CHST9: variants seen among roughly 807,000 people sequenced by gnomAD.
CHST9 encodes carbohydrate sulfotransferase 9.
A neutral mutation model predicts 44.4 loss-of-function variants in CHST9; 41 were observed. That is an observed-to-expected ratio of 0.92 (90% CI 0.72 to 1.20). The LOEUF is 1.20. CHST9 is among the 50% of genes most tolerant of loss of function. The probability of loss-of-function intolerance (pLI) is 0.00; values close to 1 mark genes in which losing one functional copy is unlikely to be tolerated. For missense variants in CHST9, 504 were observed against 516.5 expected, an observed-to-expected ratio of 0.98 and a Z score of 0.23; for synonymous variants, 171 against 178.4, an observed-to-expected ratio of 0.96 and a Z score of 0.33.
chr18:27,057,055 G>A (rs2057664506), intron 2 of CHST9, among the ~76,000 whole-genome samples: 1 of 152,178 alleles, frequency 6.6e-6, no homozygotes, highest in Non-Finnish European at 1.5e-5. Context: ...ACTGTGGACT[G>A]CCAATAGTCT....
At chr18:26,998,629 G>A (rs1198403950) in intron 4 of CHST9, among the ~76,000 whole-genome samples, 3 of 151,888 alleles carry the variant, frequency 2.0e-5, no homozygotes, top group South Asian at 4.2e-4. Context: ...GGGAGGCTGA[G>A]GCAGGAGAAT....
intron 2 of CHST9, among the ~76,000 whole-genome samples, chr18:27,068,459 T>C (rs2057805200): frequency 6.6e-6 from 1 of 152,188 alleles, no homozygotes; most frequent in Admixed American, 6.5e-5. Flanking sequence ...ATAATTCATA[T>C]CATTATATAA....
At chr18:27,060,210 G>A (rs907199097) in intron 2 of CHST9, among the ~76,000 whole-genome samples, 20 of 152,190 alleles carry the variant, frequency 1.3e-4, no homozygotes, top group African/African-American at 4.8e-4. Context: ...TCAAGGTTCA[G>A]GGAGGGGCCC....
chr18:27,147,297 C>A (rs2058620375), intron 1 of CHST9, among the ~76,000 whole-genome samples: 1 of 152,080 alleles, frequency 6.6e-6, no homozygotes. Flanking sequence ...CAACTCCCGA[C>A]CTCAGGTGAT....
intron 2 of CHST9, among the ~76,000 whole-genome samples, chr18:27,097,298 T>A (rs963184189): frequency 6.6e-6 from 1 of 151,998 alleles, no homozygotes; most frequent in Non-Finnish European, 1.5e-5. Flanking sequence ...ATACTGAATG[T>A]GCAAGAATTG....
chr18:27,180,669 C>T (rs1459370179), intron 1 of CHST9, among the ~76,000 whole-genome samples: 2 of 152,100 alleles, frequency 1.3e-5, no homozygotes, highest in Non-Finnish European at 2.9e-5. Flanking sequence ...TCTGCTCTGC[C>T]ACTACCAGTG....
In CHST9 at chr18:27,037,428, G is replaced by A. The variant is rs150719809; in HGVS notation, c.160+11037C>T. Among the ~76,000 whole-genome samples, 887 of 152,300 alleles carry A rather than the reference G, an allele frequency of 5.8e-3. 5 individuals carry two copies. The highest frequency in any genetic ancestry group is 0.02 in the African/African-American group (839 of 41,564). ...CAAATGCCTGGGCATGGTGGCTCAC[G>A]CCTGTAATCTCAGCACTTTCGGAGG... On this transcript the variant is annotated intron_variant, in intron 3 of 5. Coordinates refer to ENST00000618847, the MANE Select transcript of CHST9 (RefSeq NM_031422.6).
intron 2 of CHST9, among the ~76,000 whole-genome samples, chr18:27,066,614 T>C (rs988251049): frequency 6.6e-6 from 1 of 152,176 alleles, no homozygotes; most frequent in Non-Finnish European, 1.5e-5. Context: ...TTGTTATACC[T>C]GTCAGGATGA....
At chr18:27,041,568 C>T (rs989051556) in intron 3 of CHST9, among the ~76,000 whole-genome samples, 6 of 152,038 alleles carry the variant, frequency 3.9e-5, no homozygotes, top group African/African-American at 1.4e-4. Context: ...AATAGCAATC[C>T]AAATTAAACA....
intron 4 of CHST9, among the ~76,000 whole-genome samples, chr18:26,963,491 C>T (rs2056426112): frequency 6.6e-6 from 1 of 151,896 alleles, no homozygotes; most frequent in Non-Finnish European, 1.5e-5. Flanking sequence ...TACAAGCTCC[C>T]CCATCTGTTC....
intron 2 of CHST9, among the ~76,000 whole-genome samples, chr18:27,062,481 G>C (rs1035998632): frequency 2.0e-5 from 3 of 152,144 alleles, no homozygotes; most frequent in African/African-American, 7.2e-5. Flanking sequence ...TCCCCACAAA[G>C]GACATGAACT....
intron 1 of CHST9, among the ~76,000 whole-genome samples, chr18:27,159,130 A>C (rs142167406): frequency 0.021 from 3,118 of 152,080 alleles, 95 homozygotes; most frequent in African/African-American, 0.07. Context: ...CCCATTTGTC[A>C]ATTTTGGCTT....
chr18:26,924,101 T>C (rs1598559278), intron 5 of CHST9, among the ~76,000 whole-genome samples: 1 of 152,092 alleles, frequency 6.6e-6, no homozygotes, highest in East Asian at 1.9e-4. Flanking sequence ...AGATTCACGA[T>C]TTAAAACATT....
intron 2 of CHST9, among the ~76,000 whole-genome samples, chr18:27,088,150 A>G (rs114092720): frequency 0.012 from 1,804 of 152,316 alleles, 36 homozygotes; most frequent in African/African-American, 0.04. Flanking sequence ...CTCTGCATAT[A>G]GTTTTGGATT....
intron 2 of CHST9, among the ~76,000 whole-genome samples, chr18:27,133,271 C>G (rs1044834194): frequency 6.6e-6 from 1 of 152,170 alleles, no homozygotes; most frequent in Non-Finnish European, 1.5e-5. Context: ...CAATATATTA[C>G]TAGATGTTAA....
At chr18:27,045,968 G>T (rs1434806982) in intron 3 of CHST9, among the ~76,000 whole-genome samples, 1 of 152,020 alleles carries the variant, frequency 6.6e-6, no homozygotes, top group African/African-American at 2.4e-5. Flanking sequence ...GATTCACTCA[G>T]TTATATAATG....
At chr18:27,031,251 G>A (rs1465217042) in intron 3 of CHST9, among the ~76,000 whole-genome samples, 1 of 152,082 alleles carries the variant, frequency 6.6e-6, no homozygotes, top group Non-Finnish European at 1.5e-5. Context: ...GTGTCCCATT[G>A]TTGCCTCAAG....
At chr18:27,060,895 G>A (rs2057713968) in intron 2 of CHST9, among the ~76,000 whole-genome samples, 2 of 152,182 alleles carry the variant, frequency 1.3e-5, no homozygotes, top group Admixed American at 1.3e-4. Flanking sequence ...CCAAGTAGCT[G>A]GGATTACAGG....
chr18:27,134,453 T>C (rs1319888023), intron 2 of CHST9, among the ~76,000 whole-genome samples: 1 of 152,210 alleles, frequency 6.6e-6, no homozygotes, highest in Non-Finnish European at 1.5e-5. Context: ...GGACTACTGA[T>C]GTTTATGTGC....
Sources: gnomAD v4.1 joint callset for allele counts (sites outside exome capture counted in the v4.1 genomes callset) on GRCh38, gnomAD v4.1.1 for gene constraint, MANE v1.5 for transcripts, NCBI Gene and HGNC (gene_info 2026-07-23, HGNC 2026-07-21) for gene names.